The following UHMK1 variants were observed in gnomAD, a reference collection of about 807,000 sequenced individuals.
UHMK1 encodes the protein U2AF homology motif kinase 1.
A neutral mutation model predicts 44.0 loss-of-function variants in UHMK1; 18 were observed. The ratio of observed to expected loss-of-function variants is 0.41; its 90% confidence interval spans 0.28 to 0.61. UHMK1 has a LOEUF of 0.61. UHMK1 is among the 20% of genes least tolerant of loss of function. The pLI, the probability that UHMK1 is intolerant of heterozygous loss-of-function variation, is 0.31. For missense variants in UHMK1, 463 were observed against 522.5 expected (o/e 0.89, Z 1.11); for synonymous variants, 231 against 198.5 (o/e 1.16, Z -1.38).
chr1:162,512,907 C>A, intron 6 of UHMK1, 84 bp downstream of exon 6: 1 of 1,278,708 alleles, frequency 7.8e-7, no homozygotes, highest in Non-Finnish European at 1.1e-6. Flanking sequence ...TCATATTTCT[C>A]AATTTATCTA....
chr1:162,501,230 C>G (rs187902115), intron 3 of UHMK1, 126 bp downstream of exon 3: 1 of 939,836 alleles, frequency 1.1e-6, no homozygotes. Context: ...AGTGCAGTGG[C>G]GCAATCTCAG....
chr1:162,507,475 G>A (rs1182677397), intron 4 of UHMK1, among the ~76,000 whole-genome samples: 2 of 150,770 alleles, frequency 1.3e-5, no homozygotes, highest in Non-Finnish European at 2.9e-5. Flanking sequence ...AAGAGACGAG[G>A]TCCCACCATG....
rs549130586 is a variant in UHMK1 at position 162,522,645 on chromosome 1, G to C, written c.*95G>C. On this transcript the variant is annotated 3_prime_UTR_variant, in exon 8 of 8. Transcript: ENST00000489294. Reference sequence around the variant, plus strand: ...GACTACCCCCTTACCATTTTAAGAAGGTACTTTATACATTTATTTAATCCT... The same window carrying C: ...GACTACCCCCTTACCATTTTAAGAACGTACTTTATACATTTATTTAATCCT... 1.5e-6 allele frequency: 2 copies of C among 1,340,170 alleles called. No homozygotes were observed. Among genetic ancestry groups the C allele is most frequent in the African/African-American group, 2.9e-5 (2 of 68,010 alleles). 83.0% of individuals were successfully genotyped at this position (1,340,170 alleles called of 1,614,324 possible).
At chr1:162,508,086 G>A (rs1158978388) in intron 4 of UHMK1, among the ~76,000 whole-genome samples, 1 of 151,352 alleles carries the variant, frequency 6.6e-6, no homozygotes, top group Non-Finnish European at 1.5e-5. Context: ...ATCTTATATC[G>A]TTTTTTAAAA....
Position 162,498,064 on chromosome 1 carries a change from C to T in UHMK1, c.64C>T (p.Leu22=). ...GCGTTTTCTGGAGGCCTTCGGGCGG[C>T]TGTGGCAGGTACAGAGCCGTCTGGG... ...PPRFLEAFGR[L]WQVQSRLGSG... is the part of the protein sequence containing the mutation. Residue 22 remains leucine (L), a synonymous_variant, in exon 1 of 8, where the codon CTG becomes TTG. Transcript: ENST00000489294. 1 of 1,607,782 alleles carries T rather than the reference C, an allele frequency of 6.2e-7. No individual in the cohort carries two copies. The highest frequency in any genetic ancestry group is 8.5e-7 in the Non-Finnish European group (1 of 1,177,140).
chr1:162,522,456 T>A lies in UHMK1; in HGVS notation c.1166T>A (p.Leu389Gln). Residue 389 changes from leucine to glutamine, a missense_variant, in exon 8 of 8, where the codon CTG becomes CAG. Coordinates refer to ENST00000489294, the MANE Select transcript of UHMK1 (RefSeq NM_175866.5). Reference sequence around the variant, plus strand: ...GATTCCAAAGCTGCGCAGAAATTACTGACTGGAAGGATGTTTGATGGGAAG... The same window carrying A: ...GATTCCAAAGCTGCGCAGAAATTACAGACTGGAAGGATGTTTGATGGGAAG... ...AGDSKAAQKL[L>Q]TGRMFDGKFV... is the part of the protein sequence containing the mutation. 6.2e-7 allele frequency: 1 copy of A among 1,614,232 alleles called. No individual in the cohort carries two copies. Among genetic ancestry groups the A allele is most frequent in the Non-Finnish European group, 8.5e-7 (1 of 1,180,032 alleles).
chr1:162,514,285 T>C, intron 6 of UHMK1, among the ~76,000 whole-genome samples: 1 of 147,118 alleles, frequency 6.8e-6, no homozygotes, highest in Admixed American at 6.7e-5. Context: ...TGAGACCATC[T>C]CTGGAAAAAA....
Position 162,524,793 on chromosome 1 carries a change from A to T in UHMK1, c.*2243A>T, listed in dbSNP as rs1652185926. 1 of 152,184 alleles carries T rather than the reference A, an allele frequency of 6.6e-6. No individual in the cohort carries two copies. Among genetic ancestry groups the T allele is most frequent in the Non-Finnish European group, 1.5e-5 (1 of 68,048 alleles). The allele number at this position is 152,184 out of a possible 1,614,324, so 9.4% of individuals were successfully genotyped here. On this transcript the variant is annotated 3_prime_UTR_variant, in exon 8 of 8. Coordinates refer to ENST00000489294, the MANE Select transcript of UHMK1 (RefSeq NM_175866.5). The stretch of plus-strand genomic sequence containing the variant: ...TTCATACATATATTTAGTGCTTGAC[A>T]CTGTAGAATTTTGTTACAGAAGATG...
In UHMK1 at chr1:162,526,676, A is replaced by G. The variant is rs1475255175; in HGVS notation, c.*4126A>G. ...TTTACCTTTGTTTTATTTTTCATAT[A>G]TATATTCACTGTCTGCCTGGAAATA... On this transcript the variant is annotated 3_prime_UTR_variant, in exon 8 of 8. Coordinates refer to ENST00000489294, the MANE Select transcript of UHMK1 (RefSeq NM_175866.5). 1.3e-5 allele frequency: 2 copies of G among 152,082 alleles called. No individual in the cohort carries two copies. The highest frequency in any genetic ancestry group is 4.8e-5 in the African/African-American group (2 of 41,418). The allele number at this position is 152,082 out of a possible 1,614,324, so 9.4% of individuals were successfully genotyped here.
chr1:162,526,031 C>T lies in UHMK1; in HGVS notation c.*3481C>T, dbSNP rs950369846. On this transcript the variant is annotated 3_prime_UTR_variant, in exon 8 of 8. Transcript: ENST00000489294. ...CATATAGAGAAAGCTGAAGAGAAAC[C>T]ATGGGCAGAAGGCTTTTTTCTGTCT... The T allele has an allele frequency of 7.9e-5, 12 of 152,038 alleles. No individual in the cohort carries two copies. The highest frequency in any genetic ancestry group is 2.7e-4 in the African/African-American group (11 of 41,404). The allele number at this position is 152,038 out of a possible 1,614,324, so 9.4% of individuals were successfully genotyped here. A position where few individuals can be genotyped will look rare whatever the true frequency, so the allele number is the denominator to read the frequency against.
At chr1:162,509,990 A>G (rs1436934011) in intron 4 of UHMK1, among the ~76,000 whole-genome samples, 1 of 152,128 alleles carries the variant, frequency 6.6e-6, no homozygotes, top group Non-Finnish European at 1.5e-5. Flanking sequence ...ATAAATGCTT[A>G]CTTACAATAA....
At chr1:162,512,393 A>T in intron 4 of UHMK1, 107 bp from the exon 5 acceptor site, 1 of 846,416 alleles carries the variant, frequency 1.2e-6, no homozygotes, top group East Asian at 2.5e-5. Context: ...AAATCATGCT[A>T]ATATAATTAA....
chr1:162,525,275 T>C lies in UHMK1; in HGVS notation c.*2725T>C, dbSNP rs1277948234. The C allele has an allele frequency of 6.6e-6, 1 of 152,186 alleles. No homozygotes were observed. The highest frequency in any genetic ancestry group is 1.5e-5 in the Non-Finnish European group (1 of 68,032). The allele number at this position is 152,186 out of a possible 1,614,324, so 9.4% of individuals were successfully genotyped here. A position where few individuals can be genotyped will look rare whatever the true frequency, so the allele number is the denominator to read the frequency against. Reference sequence around the variant, plus strand: ...CATAGGGATTTTGGTTTATTGAAGTTATTGAAAGACCTAGAAATTTTCTTT... The same window carrying C: ...CATAGGGATTTTGGTTTATTGAAGTCATTGAAAGACCTAGAAATTTTCTTT... On this transcript the variant is annotated 3_prime_UTR_variant, in exon 8 of 8. Coordinates refer to ENST00000489294, the MANE Select transcript of UHMK1 (RefSeq NM_175866.5).
At position 162,503,856 on chromosome 1, in the gene UHMK1, A is replaced by G; in HGVS notation, c.848+8A>G. Reference sequence around the variant, plus strand: ...AAGAGACCTTATCAAAAGGTATGTTACACGTACCATAAACTTGCTTTGCAT... The same window carrying G: ...AAGAGACCTTATCAAAAGGTATGTTGCACGTACCATAAACTTGCTTTGCAT... On this transcript the variant is annotated splice_region_variant and intron_variant, in intron 4 of 7. Coordinates refer to ENST00000489294, the MANE Select transcript of UHMK1 (RefSeq NM_175866.5). 1 of 1,609,620 alleles carries G rather than the reference A, an allele frequency of 6.2e-7. No individual in the cohort carries two copies. The highest frequency in any genetic ancestry group is 8.5e-7 in the Non-Finnish European group (1 of 1,176,302).
At chr1:162,504,059 A>G (rs909936011) in intron 4 of UHMK1, among the ~76,000 whole-genome samples, 3 of 152,178 alleles carry the variant, frequency 2.0e-5, no homozygotes, top group Non-Finnish European at 4.4e-5. Flanking sequence ...TCACTGGAAG[A>G]TAGATTCACT....
intron 4 of UHMK1, among the ~76,000 whole-genome samples, chr1:162,504,354 G>C (rs1389278314): frequency 6.6e-6 from 1 of 152,196 alleles, no homozygotes; most frequent in Non-Finnish European, 1.5e-5. Flanking sequence ...TCATTTAACA[G>C]TAGGGATCTG....
chr1:162,497,913 T>C lies in UHMK1; in HGVS notation c.-88T>C. 1 of 1,430,108 alleles carries C rather than the reference T, an allele frequency of 7.0e-7. No homozygotes were observed. The allele number at this position is 1,430,108 out of a possible 1,614,324, so 88.6% of individuals were successfully genotyped here. A position where few individuals can be genotyped will look rare whatever the true frequency, so the allele number is the denominator to read the frequency against. ...AGGTCCCTCCCTGCGGAGCCGCTGGTCCGGCTGGCGGAGATGTGACCGCGG... is the reference window on the plus strand; with the variant it reads ...AGGTCCCTCCCTGCGGAGCCGCTGGCCCGGCTGGCGGAGATGTGACCGCGG... On this transcript the variant is annotated 5_prime_UTR_variant, in exon 1 of 8. Coordinates refer to ENST00000489294, the MANE Select transcript of UHMK1 (RefSeq NM_175866.5).
Position 162,500,171 on chromosome 1 carries a change from G to C in UHMK1, c.485G>C (p.Arg162Pro), listed in dbSNP as rs375343785. ...TATGTCCATGCGGACCTCAAACCAC[G>C]TAACATATTGTGGAGTGCAGAGAAT... The part of the protein sequence containing the change: ...EGYVHADLKP[R>P]NILWSAENEC... Residue 162 changes from arginine to proline, a missense_variant, in exon 2 of 8, where the codon CGT becomes CCT. By Grantham distance (103) the Arg-to-Pro change is moderately radical. This residue lies in a region of UHMK1 where 264 missense variants were observed against 326.3 expected (regional missense o/e 0.81). Coordinates refer to ENST00000489294, the MANE Select transcript of UHMK1 (RefSeq NM_175866.5). 1.2e-6 allele frequency: 2 copies of C among 1,614,180 alleles called. No individual in the cohort carries two copies. Among genetic ancestry groups the C allele is most frequent in the Non-Finnish European group, 1.7e-6 (2 of 1,180,026 alleles).
chr1:162,516,765 C>G (rs760905586), intron 6 of UHMK1, among the ~76,000 whole-genome samples: 2 of 152,166 alleles, frequency 1.3e-5, no homozygotes, highest in Non-Finnish European at 2.9e-5. Context: ...TGCTTTTACT[C>G]TCTATTATTA....
Sources: allele counts gnomAD v4.1 joint callset (sites outside exome capture counted in the v4.1 genomes callset), GRCh38; gene constraint gnomAD v4.1.1; regional missense constraint gnomAD v4.1.1; transcripts MANE v1.5; gene names NCBI Gene and HGNC (gene_info 2026-07-23, HGNC 2026-07-21).